The following C6orf89 variants were observed in gnomAD, a reference collection of about 807,000 sequenced individuals.
The protein encoded by C6orf89 is bombesin receptor-activated protein C6orf89.
Under a neutral mutation model 40.7 loss-of-function variants are expected in C6orf89, and 29 were observed. That is an observed-to-expected ratio of 0.71 (90% CI 0.53 to 0.97). The LOEUF is 0.97. C6orf89 is among the 50% of genes least tolerant of loss of function. C6orf89 has a pLI of 0.00. For synonymous variants in C6orf89, 165 were observed against 152.2 expected (o/e 1.08, Z -0.62); for missense variants, 392 against 429.1 (o/e 0.91, Z 0.76).
At chr6:36,907,917 T>G (rs1333010570) in intron 4 of C6orf89, among the ~76,000 whole-genome samples, 1 of 152,206 alleles carries the variant, frequency 6.6e-6, no homozygotes. Flanking sequence ...GATGGAATTT[T>G]GTTCACTTTG....
At chr6:36,915,845 A>G (rs191010308) in intron 6 of C6orf89, among the ~76,000 whole-genome samples, 48 of 152,330 alleles carry the variant, frequency 3.2e-4, no homozygotes, top group Non-Finnish European at 5.0e-4. Flanking sequence ...CCTGCGGAAG[A>G]CATGGTTCAT....
chr6:36,886,247 T>C (rs573448409), intron 1 of C6orf89, among the ~76,000 whole-genome samples: 4 of 152,316 alleles, frequency 2.6e-5, no homozygotes, highest in Admixed American at 2.6e-4. Context: ...TCACTTTCTT[T>C]GACTCCGCCG....
intron 3 of C6orf89, among the ~76,000 whole-genome samples, chr6:36,901,999 A>G (rs1430813440): frequency 6.6e-6 from 1 of 152,262 alleles, no homozygotes; most frequent in Admixed American, 6.5e-5. Context: ...GAATTTTAAA[A>G]TACACTGATT....
In C6orf89 at chr6:36,923,401, C is replaced by T. The variant is rs1480555073; in HGVS notation, c.1004C>T (p.Pro335Leu). ...TACGTTATAGCCAGAGGGGTCCAGC[C>T]TTTGGTCATCTGCGATGGAACCGCT... ...KVYVIARGVQPLVICDGTAFS... is the reference protein window; with the variant it reads ...KVYVIARGVQLLVICDGTAFS... The change falls in exon 9 of 9, where the codon CCT (proline) becomes CTT (leucine). Residue 335 changes from proline (P) to leucine (L), a missense_variant. Transcript: ENST00000480824. The T allele has an allele frequency of 6.2e-7, 1 of 1,614,058 alleles. No individual in the cohort carries two copies. Among genetic ancestry groups the T allele is most frequent in the East Asian group, 2.2e-5 (1 of 44,898 alleles).
At chr6:36,896,242 G>A (rs1761426228) in intron 2 of C6orf89, among the ~76,000 whole-genome samples, 1 of 152,034 alleles carries the variant, frequency 6.6e-6, no homozygotes, top group Admixed American at 6.6e-5. Context: ...CAGATAGCTG[G>A]GATTACAGGT....
chr6:36,926,861 C>T lies in C6orf89; in HGVS notation c.*3420C>T, dbSNP rs1001202907. 3.3e-5 allele frequency: 5 copies of T among 152,174 alleles called. No homozygotes were observed. Among genetic ancestry groups the T allele is most frequent in the Admixed American group, 1.3e-4 (2 of 15,282 alleles). 9.4% of individuals were successfully genotyped at this position (152,174 alleles called of 1,614,324 possible). On this transcript the variant is annotated 3_prime_UTR_variant, in exon 9 of 9. Coordinates refer to ENST00000480824, the MANE Select transcript of C6orf89 (RefSeq NM_001286635.2). ...TTCCTGCGGCATCACGGCATGGTGC[C>T]GAAGAAGACAGCTGTGGATGTCGTT... is the stretch of plus-strand genomic sequence containing the variant.
At chr6:36,893,390 A>G (rs771219739) in intron 1 of C6orf89, among the ~76,000 whole-genome samples, 1 of 152,114 alleles carries the variant, frequency 6.6e-6, no homozygotes, top group Admixed American at 6.6e-5. Context: ...CGACTGATAT[A>G]ACCAAAGCCA....
At chr6:36,882,219 A>G (rs910440539), upstream of C6orf89, among the ~76,000 whole-genome samples, 2 of 152,224 alleles carry the variant, frequency 1.3e-5, no homozygotes, top group Non-Finnish European at 1.5e-5. Flanking sequence ...ACTTATGGTA[A>G]CCTAAGATTC....
intron 4 of C6orf89, among the ~76,000 whole-genome samples, chr6:36,904,194 G>A (rs1055184528): frequency 3.3e-5 from 5 of 152,164 alleles, no homozygotes; most frequent in Non-Finnish European, 7.3e-5. Context: ...CTCCATACAC[G>A]GTTGAACTGA....
At chr6:36,875,700 C>G (rs1202555726) in intron 1 of C6orf89, among the ~76,000 whole-genome samples, 2 of 152,250 alleles carry the variant, frequency 1.3e-5, no homozygotes, top group African/African-American at 2.4e-5. Flanking sequence ...AGGCATCAAG[C>G]TAAGCATTTT....
intron 1 of C6orf89, among the ~76,000 whole-genome samples, chr6:36,889,161 G>A (rs1193983340): frequency 6.6e-6 from 1 of 152,132 alleles, no homozygotes; most frequent in African/African-American, 2.4e-5. Flanking sequence ...TTATGTTAAG[G>A]TTTGAGTACA....
chr6:36,879,373 T>A (rs562203580), intron 2 of C6orf89, among the ~76,000 whole-genome samples: 1 of 152,154 alleles, frequency 6.6e-6, no homozygotes, highest in East Asian at 1.9e-4. Flanking sequence ...CAACAAAAAA[T>A]TTTTCCTTTA....
rs768123666 is a variant in C6orf89 at position 36,906,364 on chromosome 6, C to T, written c.403+3930C>T. On this transcript the variant is annotated intron_variant, in intron 4 of 8. Coordinates refer to ENST00000480824, the MANE Select transcript of C6orf89 (RefSeq NM_001286635.2). ...ACTTACTGTATACCAGGTACTGTGC[C>T]GTGCAGTTTATTTCTCAGTCTTCAC... 3.9e-5 allele frequency among the ~76,000 whole-genome samples: 6 copies of T among 152,208 alleles called. No individual in the cohort carries two copies. In the South Asian group the frequency reaches 6.2e-4, roughly 16 times the overall value.
intron 4 of C6orf89, among the ~76,000 whole-genome samples, chr6:36,903,394 G>T (rs1761798006): frequency 1.3e-5 from 2 of 152,174 alleles, no homozygotes; most frequent in South Asian, 4.1e-4. Context: ...GAAACTTTTA[G>T]AATGTGTCTT....
rs936292167 is a variant in C6orf89, at chr6:36,923,915, T to C, written c.*474T>C. The C allele has an allele frequency of 4.6e-5, 10 of 217,024 alleles. No individual in the cohort carries two copies. Among genetic ancestry groups the C allele is most frequent in the Non-Finnish European group, 8.5e-5 (9 of 105,712 alleles). The allele number at this position is 217,024 out of a possible 1,614,324, so 13.4% of individuals were successfully genotyped here. ...TACTTTTTGGAAGGCCATGGCTGAT[T>C]AAAGAAGTTCTTGTAGTTTCCCAAG... is the stretch of plus-strand genomic sequence containing the variant. On this transcript the variant is annotated 3_prime_UTR_variant, in exon 9 of 9. Transcript: ENST00000480824.
At chr6:36,901,816 G>A (rs1301350255) in intron 3 of C6orf89, among the ~76,000 whole-genome samples, 2 of 151,326 alleles carry the variant, frequency 1.3e-5, no homozygotes, top group Non-Finnish European at 2.9e-5. Context: ...GACTACAGGC[G>A]CCCACCATCA....
At chr6:36,919,854 G>T (rs1254450882) in intron 8 of C6orf89, among the ~76,000 whole-genome samples, 153 bp downstream of exon 8, 1 of 152,184 alleles carries the variant, frequency 6.6e-6, no homozygotes, top group Non-Finnish European at 1.5e-5. Flanking sequence ...TTTATGCTTA[G>T]AAATGAAACA....
At chr6:36,921,522 C>T (rs772866049) in intron 8 of C6orf89, among the ~76,000 whole-genome samples, 1 of 152,132 alleles carries the variant, frequency 6.6e-6, no homozygotes, top group Non-Finnish European at 1.5e-5. Flanking sequence ...TCTGCAGTCA[C>T]TGTACAGGAT....
intron 8 of C6orf89, among the ~76,000 whole-genome samples, chr6:36,922,889 G>A (rs563058866): frequency 6.6e-6 from 1 of 152,320 alleles, no homozygotes; most frequent in African/African-American, 2.4e-5. Context: ...ATGCCCAACA[G>A]CAGCCTCATC....
Sources: gnomAD v4.1 joint callset for allele counts (sites outside exome capture counted in the v4.1 genomes callset) on GRCh38, gnomAD v4.1.1 for gene constraint, MANE v1.5 for transcripts, NCBI Gene and HGNC (gene_info 2026-07-23, HGNC 2026-07-21) for gene names.